The following DCDC1 variants were observed in gnomAD, a reference collection of about 807,000 sequenced individuals.
DCDC1 encodes doublecortin domain containing 1.
Under a neutral mutation model 178.3 loss-of-function variants are expected in DCDC1, and 200 were observed. That is an observed-to-expected ratio of 1.12 (90% CI 1.00 to 1.26). DCDC1 has a LOEUF of 1.26. Among genes scored for constraint, DCDC1 ranks in the 50% most tolerant of loss-of-function variants. The pLI is 0.00. For synonymous variants in DCDC1, 690 were observed against 604.8 expected (o/e 1.14, Z -2.07); for missense variants, 1,983 against 1,749.2 (o/e 1.13, Z -2.38).
At chr11:31,223,502 C>A (rs1459089509) in intron 9 of DCDC1, among the ~76,000 whole-genome samples, 1 of 151,972 alleles carries the variant, frequency 6.6e-6, no homozygotes, top group African/African-American at 2.4e-5. Context: ...TAGATATATA[C>A]CCTGGAGAAA....
In DCDC1 at chr11:31,265,049, G is replaced by C. The variant is rs374467835; in HGVS notation, c.1054+458C>G. ...CTTAGTAGAGAGTAATGGGTTACTG[G>C]AGTTCTTCCTAGTGGTTCCAAACTG... On this transcript the variant is annotated intron_variant, in intron 8 of 38. Coordinates refer to ENST00000684477, the MANE Select transcript of DCDC1 (RefSeq NM_001387274.1). 6.6e-5 allele frequency among the ~76,000 whole-genome samples: 10 copies of C among 152,032 alleles called. No homozygotes were observed. In the East Asian group the frequency reaches 9.6e-4, roughly 15 times the overall value.
chr11:30,897,582 C>CAAAAA (rs35815662), intron 34 of DCDC1, among the ~76,000 whole-genome samples: 10 of 72,886 alleles, frequency 1.4e-4, no homozygotes, highest in Admixed American at 8.6e-4. Flanking sequence ...GACTCCGTCT[C>CAAAAA]AAAAAAAAAA....
chr11:31,051,571 G>A (rs1011331054), intron 20 of DCDC1, among the ~76,000 whole-genome samples: 2 of 152,180 alleles, frequency 1.3e-5, no homozygotes, highest in Non-Finnish European at 2.9e-5. Flanking sequence ...AGAGCTGTGA[G>A]GCAGAAGCAC....
intron 11 of DCDC1, among the ~76,000 whole-genome samples, chr11:31,115,990 G>GGGGGGGGGGGGGGGGGGT (rs1555066774): frequency 7.7e-6 from 1 of 130,224 alleles, no homozygotes; most frequent in Non-Finnish European, 1.8e-5. Flanking sequence ...GTGGGGGGGG[G>GGGGGGGGGGGGGGGGGGT]GGGGATGGGT....
intron 1 of DCDC1, among the ~76,000 whole-genome samples, chr11:31,365,860 A>G (rs964031219): frequency 6.6e-6 from 1 of 152,194 alleles, no homozygotes; most frequent in African/African-American, 2.4e-5. Context: ...CCAAATGTAC[A>G]GTTCAACAAA....
At chr11:31,068,037 A>T (rs962877121) in intron 18 of DCDC1, among the ~76,000 whole-genome samples, 13 of 152,182 alleles carry the variant, frequency 8.5e-5, no homozygotes, top group Non-Finnish European at 1.9e-4. Context: ...CAAGAAATCT[A>T]TTTTAATGTA....
intron 38 of DCDC1, among the ~76,000 whole-genome samples, chr11:30,868,072 T>C (rs1257165220): frequency 1.3e-5 from 2 of 152,032 alleles, no homozygotes; most frequent in East Asian, 3.9e-4. Flanking sequence ...ATATGTAAAA[T>C]AGTCTCAGAA....
intron 20 of DCDC1, among the ~76,000 whole-genome samples, chr11:31,015,374 G>A (rs1045564540): frequency 6.6e-6 from 1 of 152,098 alleles, no homozygotes; most frequent in East Asian, 1.9e-4. Context: ...ATTGTTTCCT[G>A]GTAATAATGG....
At chr11:30,884,094 G>A (rs912179128) in intron 36 of DCDC1, among the ~76,000 whole-genome samples, 1 of 143,754 alleles carries the variant, frequency 7.0e-6, no homozygotes, top group South Asian at 2.2e-4. Context: ...GCAGTGGCAT[G>A]ATCAGGGTTT....
At chr11:31,131,751 G>A (rs963307503) in intron 10 of DCDC1, among the ~76,000 whole-genome samples, 3 of 152,144 alleles carry the variant, frequency 2.0e-5, no homozygotes, top group African/African-American at 7.2e-5. Flanking sequence ...AGTCTTTAAA[G>A]TCTACTAAGT....
In DCDC1 at chr11:31,213,100, C is replaced by CCTCTGCCTCT; in HGVS notation, c.1221+28349_1221+28350insAGAGGCAGAG. Among the ~76,000 whole-genome samples, 2 of 44,242 alleles carry CCTCTGCCTCT rather than the reference C, an allele frequency of 4.5e-5. 1 individual carries two copies. Among genetic ancestry groups the CCTCTGCCTCT allele is most frequent in the South Asian group, 2.2e-3 (2 of 920 alleles). The allele number at this position is 44,242 out of a possible 152,430, so 29.0% of individuals were successfully genotyped here. A position where few individuals can be genotyped will look rare whatever the true frequency, so the allele number is the denominator to read the frequency against. On this transcript the variant is annotated intron_variant, in intron 9 of 38. Transcript: ENST00000684477. ...GTGTCATCTTCTATATAAAGCCCAG[C>CCTCTGCCTCT]CTCTCTCTCTCTCTCTCTCTCTCTC...
Position 30,974,071 on chromosome 11 carries a change from G to A in DCDC1, c.2592-21503C>T, listed in dbSNP as rs548859866. Among the ~76,000 whole-genome samples, 183 of 152,016 alleles carry A rather than the reference G, an allele frequency of 1.2e-3. 1 individual carries two copies. The highest frequency in any genetic ancestry group is 4.2e-3 in the African/African-American group (174 of 41,504). On this transcript the variant is annotated intron_variant, in intron 20 of 38. Coordinates refer to ENST00000684477, the MANE Select transcript of DCDC1 (RefSeq NM_001387274.1). ...GACCAAAAAAAAGATAAAACTAGAAGATAATAACAAGAGGAACTTTTGAAA... is the reference window on the plus strand; with the variant it reads ...GACCAAAAAAAAGATAAAACTAGAAAATAATAACAAGAGGAACTTTTGAAA...
At chr11:31,361,715 G>C (rs1420434076) in intron 1 of DCDC1, among the ~76,000 whole-genome samples, 1 of 152,062 alleles carries the variant, frequency 6.6e-6, no homozygotes, top group East Asian at 1.9e-4. Flanking sequence ...TCCTGACCTC[G>C]AGTGATCCAC....
rs1945440447 is a variant in DCDC1 at position 30,911,423 on chromosome 11, T to C, written c.3654-3A>G. The C allele has an allele frequency of 6.3e-7, 1 of 1,590,730 alleles. No homozygotes were observed. The highest frequency in any genetic ancestry group is 1.2e-5 in the South Asian group (1 of 86,916). On this transcript the variant is annotated splice_region_variant and splice_polypyrimidine_tract_variant and intron_variant, in intron 27 of 38. Transcript: ENST00000684477. ...GGTTACTCACAAGGTGAAAGGTCCTTGGGAAAACAGGATTAGCCACATTAC... is the reference window on the plus strand; with the variant it reads ...GGTTACTCACAAGGTGAAAGGTCCTCGGGAAAACAGGATTAGCCACATTAC...
intron 20 of DCDC1, among the ~76,000 whole-genome samples, chr11:31,061,605 G>A (rs556453574): frequency 1.3e-5 from 2 of 152,164 alleles, no homozygotes; most frequent in African/African-American, 4.8e-5. Flanking sequence ...CACGTATGGA[G>A]CCTATCACAT....
chr11:31,077,461 G>C (rs1956935277), intron 18 of DCDC1, among the ~76,000 whole-genome samples: 1 of 151,968 alleles, frequency 6.6e-6, no homozygotes, highest in South Asian at 2.1e-4. Context: ...TTAATTTATT[G>C]TTTCCTTAAT....
chr11:31,363,954 G>A (rs1254344031), intron 1 of DCDC1, among the ~76,000 whole-genome samples: 1 of 152,072 alleles, frequency 6.6e-6, no homozygotes, highest in African/African-American at 2.4e-5. Flanking sequence ...TTTGAATTTT[G>A]ATCTCTTCCC....
intron 7 of DCDC1, among the ~76,000 whole-genome samples, chr11:31,269,272 T>TA (rs1945382944): frequency 6.6e-6 from 1 of 152,208 alleles, no homozygotes; most frequent in Non-Finnish European, 1.5e-5. Context: ...AAAAGTACAT[T>TA]ATGGTGTCAT....
intron 20 of DCDC1, among the ~76,000 whole-genome samples, chr11:31,021,643 G>A (rs1382685073): frequency 6.6e-6 from 1 of 152,130 alleles, no homozygotes; most frequent in Non-Finnish European, 1.5e-5. Context: ...AGGGGACTGT[G>A]TAGGAGAAAA....
Sources: gnomAD v4.1 joint callset for allele counts (sites outside exome capture counted in the v4.1 genomes callset) on GRCh38, gnomAD v4.1.1 for gene constraint, MANE v1.5 for transcripts, NCBI Gene and HGNC (gene_info 2026-07-23, HGNC 2026-07-21) for gene names.